SMURF2: variants seen among roughly 807,000 people sequenced by gnomAD.
SMURF2 encodes SMAD specific E3 ubiquitin protein ligase 2, also known as E3 ubiquitin-protein ligase SMURF2.
SMURF2 carries 48 observed loss-of-function variants against 109.6 expected under a neutral mutation model. The ratio of observed to expected loss-of-function variants is 0.44; its 90% CI spans 0.35 to 0.56. The LOEUF (loss-of-function observed/expected upper bound fraction) is 0.56, where lower values mean the gene tolerates loss of function less well. SMURF2 is among the 20% of genes least tolerant of loss of function. SMURF2 has a pLI of 0.01. For missense variants in SMURF2, 575 were observed against 909.0 expected (o/e 0.63, Z 4.72); for synonymous variants, 288 against 317.1 (o/e 0.91, Z 0.97).
chr17:64,576,217 G>A (rs1052323123), intron 9 of SMURF2, among the ~76,000 whole-genome samples: 3 of 151,844 alleles, frequency 2.0e-5, no homozygotes, highest in Admixed American at 6.6e-5. Context: ...AAAAAAGAGA[G>A]GGAGGGAGGC....
chr17:64,650,596 C>T (rs1035095452), intron 1 of SMURF2, among the ~76,000 whole-genome samples: 8 of 151,884 alleles, frequency 5.3e-5, no homozygotes, highest in African/African-American at 7.3e-5. Context: ...TTTGGGAGGC[C>T]GAGGTGGGCG....
At chr17:64,644,325 T>C (rs1183508864) in intron 1 of SMURF2, among the ~76,000 whole-genome samples, 1 of 151,940 alleles carries the variant, frequency 6.6e-6, no homozygotes, top group Non-Finnish European at 1.5e-5. Flanking sequence ...GGCTCATGCC[T>C]GTACTCCCAA....
intron 5 of SMURF2, among the ~76,000 whole-genome samples, chr17:64,589,633 T>A (rs1382221834): frequency 6.6e-6 from 1 of 151,720 alleles, no homozygotes; most frequent in South Asian, 2.1e-4. Context: ...ACGAACCCTA[T>A]TGTGAACCGC....
At chr17:64,646,515 T>C (rs1394061299) in intron 1 of SMURF2, among the ~76,000 whole-genome samples, 1 of 151,786 alleles carries the variant, frequency 6.6e-6, no homozygotes, top group Admixed American at 6.6e-5. Flanking sequence ...TCCCAAGTAG[T>C]TGGGACTAGA....
chr17:64,650,345 T>C (rs971826975), intron 1 of SMURF2, among the ~76,000 whole-genome samples: 1 of 150,404 alleles, frequency 6.6e-6, no homozygotes, highest in Non-Finnish European at 1.5e-5. Context: ...TTTTTGTTTT[T>C]TGTTTTTTTT....
chr17:64,583,993 A>G (rs1477545288), intron 6 of SMURF2, among the ~76,000 whole-genome samples: 3 of 151,964 alleles, frequency 2.0e-5, no homozygotes, highest in Non-Finnish European at 4.4e-5. Flanking sequence ...AGCCTACCCA[A>G]ACTAATTTTT....
chr17:64,544,770 A>T lies in SMURF2; in HGVS notation c.*1078T>A, dbSNP rs1968922077. 1 of 152,416 alleles carries T rather than the reference A, an allele frequency of 6.6e-6. No homozygotes were observed. Among genetic ancestry groups the T allele is most frequent in the Non-Finnish European group, 1.5e-5 (1 of 68,038 alleles). 9.4% of individuals were successfully genotyped at this position (152,416 alleles called of 1,614,324 possible). A position where few individuals can be genotyped will look rare whatever the true frequency, so the allele number is the denominator to read the frequency against. Reference sequence around the variant, plus strand: ...TTCTAAGCTTATTAATAATCTTTAGAGCAAAATTCTTCCTTTTTCATAACT... The same window carrying T: ...TTCTAAGCTTATTAATAATCTTTAGTGCAAAATTCTTCCTTTTTCATAACT... On this transcript the variant is annotated 3_prime_UTR_variant, in exon 19 of 19. Transcript: ENST00000262435.
intron 8 of SMURF2, among the ~76,000 whole-genome samples, chr17:64,580,378 C>T (rs1555686439): frequency 1.3e-5 from 2 of 152,002 alleles, no homozygotes; most frequent in African/African-American, 2.4e-5. Flanking sequence ...CAGAAATATG[C>T]CTTTAAAATT....
chr17:64,653,986 A>G (rs900558021), intron 1 of SMURF2, among the ~76,000 whole-genome samples: 11 of 152,226 alleles, frequency 7.2e-5, no homozygotes, highest in African/African-American at 2.4e-4. Context: ...GACTGCAGAC[A>G]GTATGATTCC....
At chr17:64,615,117 T>A (rs1970103640) in intron 1 of SMURF2, among the ~76,000 whole-genome samples, 9 of 152,210 alleles carry the variant, frequency 5.9e-5, no homozygotes, top group Admixed American at 5.9e-4. Flanking sequence ...TTGTTCTTAC[T>A]GAGTTGTTTT....
At chr17:64,587,102 G>A (rs1387405801) in intron 5 of SMURF2, among the ~76,000 whole-genome samples, 2 of 152,150 alleles carry the variant, frequency 1.3e-5, no homozygotes, top group Non-Finnish European at 2.9e-5. Flanking sequence ...CTTGAACCTG[G>A]GAGGCAGAGG....
At chr17:64,597,541 G>A (rs1555688193) in intron 3 of SMURF2, among the ~76,000 whole-genome samples, 1 of 152,124 alleles carries the variant, frequency 6.6e-6, no homozygotes, top group Non-Finnish European at 1.5e-5. Context: ...GGGAGACCGA[G>A]GCAGGCGGAT....
Position 64,544,952 on chromosome 17 carries a change from A to G in SMURF2, c.*896T>C, listed in dbSNP as rs1555682949. Reference sequence around the variant, plus strand: ...ATTAAAGATAAGCTGACCCAGCAAAATAACGAAAATCCCATCCCATCCACA... The same window carrying G: ...ATTAAAGATAAGCTGACCCAGCAAAGTAACGAAAATCCCATCCCATCCACA... On this transcript the variant is annotated 3_prime_UTR_variant, in exon 19 of 19. Coordinates refer to ENST00000262435, the MANE Select transcript of SMURF2 (RefSeq NM_022739.4). The G allele has an allele frequency of 6.6e-6, 1 of 152,644 alleles. No individual in the cohort carries two copies. The highest frequency in any genetic ancestry group is 1.5e-5 in the Non-Finnish European group (1 of 68,042). 9.5% of individuals were successfully genotyped at this position (152,644 alleles called of 1,614,324 possible).
chr17:64,633,332 G>A (rs1970373897), intron 1 of SMURF2, among the ~76,000 whole-genome samples: 2 of 152,088 alleles, frequency 1.3e-5, no homozygotes, highest in Non-Finnish European at 2.9e-5. Flanking sequence ...CCAGGTACTG[G>A]GAGTCAATCA....
chr17:64,611,240 G>A (rs962561301), intron 1 of SMURF2, among the ~76,000 whole-genome samples: 3 of 152,120 alleles, frequency 2.0e-5, no homozygotes, highest in Admixed American at 2.0e-4. Context: ...TTTCCTGGGA[G>A]AGAGTTCATA....
intron 1 of SMURF2, among the ~76,000 whole-genome samples, chr17:64,657,265 A>T (rs184702134): frequency 5.9e-4 from 90 of 152,282 alleles, no homozygotes; most frequent in African/African-American, 1.7e-3. Flanking sequence ...TGAGCCTTAA[A>T]AGATGGGCAA....
intron 2 of SMURF2, among the ~76,000 whole-genome samples, chr17:64,603,770 A>C (rs1969932268): frequency 6.6e-6 from 1 of 152,162 alleles, no homozygotes. Flanking sequence ...GCTTGAAAAC[A>C]GTTCAAAAAC....
chr17:64,636,951 G>A (rs181876436), intron 1 of SMURF2, among the ~76,000 whole-genome samples: 23 of 152,142 alleles, frequency 1.5e-4, no homozygotes, highest in Non-Finnish European at 2.8e-4. Flanking sequence ...TGGGTGCAGT[G>A]GCTAATACCT....
intron 9 of SMURF2, 129 bp from the exon 10 acceptor site, chr17:64,572,085 G>T: frequency 1.3e-6 from 1 of 793,898 alleles, no homozygotes. Flanking sequence ...GAGATGTTCA[G>T]CTGGAATCTT....
Sources: gnomAD v4.1 joint callset for allele counts (sites outside exome capture counted in the v4.1 genomes callset) on GRCh38, gnomAD v4.1.1 for gene constraint, MANE v1.5 for transcripts, NCBI Gene and HGNC (gene_info 2026-07-23, HGNC 2026-07-21) for gene names.